Variants in FGF11 observed in about 807,000 individuals in gnomAD.
The protein encoded by FGF11 is fibroblast growth factor 11, also known as fibroblast growth factor homologous factor 3.
In FGF11, 25 loss-of-function variants were observed where a neutral mutation model predicts 25.1. That is an observed-to-expected ratio of 1.00 (90% confidence interval 0.73 to 1.39). The LOEUF (loss-of-function observed/expected upper bound fraction) is 1.39. Among genes scored for constraint, FGF11 ranks in the 40% most tolerant of loss-of-function variants. The probability of loss-of-function intolerance (pLI) is 0.00; values close to 1 mark genes in which losing one functional copy is unlikely to be tolerated. For synonymous variants in FGF11, 130 were observed against 128.9 expected, an observed-to-expected ratio of 1.01 and a Z score of -0.06; for missense variants, 320 against 311.0, an observed-to-expected ratio of 1.03 and a Z score of -0.22.
At position 7,442,706 on chromosome 17, in the gene FGF11, G is replaced by A. The variant is rs267605069; in HGVS notation, c.521G>A (p.Gly174Asp). ...CGTTCTGGCCGGGCCTGGTACCTCG[G>A]CCTGGACAAGGAGGGCCAGGTCATG... ...QRRSGRAWYL[G>D]LDKEGQVMKG... The change falls in exon 4 of 5, where the codon GGC becomes GAC. Residue 174 changes from glycine to aspartate, a missense_variant. Transcript: ENST00000293829. 6.2e-7 allele frequency: 1 copy of A among 1,614,182 alleles called. No individual in the cohort carries two copies. Among genetic ancestry groups the A allele is most frequent in the South Asian group, 1.1e-5 (1 of 91,082 alleles).
intron 1 of FGF11, 101 bp from the exon 2 acceptor site, chr17:7,441,366 TCTTC>T: frequency 1.3e-6 from 2 of 1,491,348 alleles, no homozygotes; most frequent in Non-Finnish European, 1.8e-6. Context: ...CCTGGGACCC[TCTTC>T]CTTCCTTTCA....
At chr17:7,441,961 CT>C (rs1908350116) in intron 3 of FGF11, 82 bp downstream of exon 3, 3 of 1,065,780 alleles carry the variant, frequency 2.8e-6, no homozygotes, top group Non-Finnish European at 4.0e-6. Context: ...GACAACCTTC[CT>C]CAACTACAGA....
chr17:7,441,208 T>C (rs2150833956), intron 1 of FGF11: 1 of 372,914 alleles, frequency 2.7e-6, no homozygotes, highest in East Asian at 6.2e-5. Context: ...GGTTGAGCTG[T>C]AGGGTAGGAA....
chr17:7,440,434 A>G lies in FGF11; in HGVS notation c.193+621A>G, dbSNP rs1401917337. On this transcript the variant is annotated intron_variant, in intron 1 of 4. Coordinates refer to ENST00000293829, the MANE Select transcript of FGF11 (RefSeq NM_004112.4). The surrounding 1 kb of genome is among the most constrained non-coding windows in gnomAD (Gnocchi z 5.4). ...GCACCCCTCCCATAACCCCCGCGCC[A>G]CTCCGAAATCGGGTCCCGTAGGCTC... 6.5e-6 allele frequency: 1 copy of G among 153,376 alleles called. No individual in the cohort carries two copies. 9.5% of individuals were successfully genotyped at this position (153,376 alleles called of 1,614,324 possible).
In FGF11 at chr17:7,443,002, T is replaced by G. The variant is rs183482868; in HGVS notation, c.608-74T>G. The G allele has an allele frequency of 1.4e-4, 178 of 1,295,138 alleles. No homozygotes were observed. In the African/African-American group the frequency reaches 1.9e-3, roughly 14 times the overall value. 80.2% of individuals were successfully genotyped at this position (1,295,138 alleles called of 1,614,324 possible). On this transcript the variant is annotated intron_variant, in intron 4 of 4. Transcript: ENST00000293829. Reference sequence around the variant, plus strand: ...TGAATGTACGGGAAGGGAGCCCTTTTGGAGCACTGGTTCTGCCTGGGTCCC... The same window carrying G: ...TGAATGTACGGGAAGGGAGCCCTTTGGGAGCACTGGTTCTGCCTGGGTCCC...
upstream of FGF11, chr17:7,438,618 G>A: frequency 6.5e-6 from 1 of 152,800 alleles, no homozygotes; most frequent in Non-Finnish European, 1.5e-5. Flanking sequence ...GCTGTGATCC[G>A]CTCTGACTTG....
chr17:7,440,828 C>T lies in FGF11; in HGVS notation c.194-643C>T, dbSNP rs906212289. On this transcript the variant is annotated intron_variant, in intron 1 of 4. Transcript: ENST00000293829. The surrounding 1 kb of genome is among the most constrained non-coding windows in gnomAD (Gnocchi z 5.4). ...CCCCCATATCCTTGGTAAGGTCCCC[C>T]TTACCCCAGGCGAGTTACCTGGCCG... 4.0e-6 allele frequency: 4 copies of T among 988,758 alleles called. No homozygotes were observed. In the South Asian group the frequency reaches 1.4e-4, roughly 34 times the overall value. 61.2% of individuals were successfully genotyped at this position (988,758 alleles called of 1,614,324 possible).
chr17:7,441,813 C>T lies in FGF11; in HGVS notation c.342C>T (p.Val114=), dbSNP rs889458447. Residue 114 remains valine, a synonymous_variant, in exon 3 of 5, where the codon GTC becomes GTT. Coordinates refer to ENST00000293829, the MANE Select transcript of FGF11 (RefSeq NM_004112.4). ...FNLIPVGLRV[V]TIQSAKLGHY... ...TGATCCCTGTGGGCCTCCGTGTGGT[C>T]ACCATCCAGAGCGCCAAGCTGGGTC... 1.9e-6 allele frequency: 3 copies of T among 1,612,474 alleles called. No individual in the cohort carries two copies. Among genetic ancestry groups the T allele is most frequent in the Middle Eastern group, 1.7e-4 (1 of 6,054 alleles).
intron 1 of FGF11, chr17:7,441,110 G>A: frequency 3.2e-6 from 1 of 311,978 alleles, no homozygotes; most frequent in Non-Finnish European, 5.4e-6. Context: ...CAAACACGCT[G>A]CCCCTTCAGT....
intron 3 of FGF11, 35 bp from the exon 4 acceptor site, chr17:7,442,559 T>A (rs1358515459): frequency 6.2e-7 from 1 of 1,613,492 alleles, no homozygotes. Flanking sequence ...TATCTCTCTG[T>A]CTTTGTGCGC....
At position 7,439,803 on chromosome 17, in the gene FGF11, C is replaced by A. The variant is rs1403183198; in HGVS notation, c.183C>A (p.Asp61Glu). The A allele has an allele frequency of 2.8e-6, 4 of 1,442,148 alleles. No homozygotes were observed. Among genetic ancestry groups the A allele is most frequent in the Admixed American group, 3.2e-5 (1 of 31,114 alleles). 89.3% of individuals were successfully genotyped at this position (1,442,148 alleles called of 1,614,324 possible). Residue 61 changes from aspartate to glutamate, a missense_variant, in exon 1 of 5, where the codon GAC (aspartate) becomes GAA (glutamate). Asp to Glu is a conservative substitution (Grantham distance 45). Transcript: ENST00000293829. ...RLCGGRPARP[D>E]RGPEPQLKGI... ...GCGGGGGGCGGCCCGCGCGGCCGGA[C>A]CGCGGCCCGGGTGAGTGCGGCTGGG...
chr17:7,442,822 A>C (rs777421369), intron 4 of FGF11, 30 bp downstream of exon 4: 15 of 1,606,574 alleles, frequency 9.3e-6, no homozygotes, highest in Non-Finnish European at 1.3e-5. Flanking sequence ...AATGTGGGCC[A>C]CAGGAGAGGG....
intron 4 of FGF11, 67 bp from the exon 5 acceptor site, chr17:7,443,009 C>A: frequency 7.5e-7 from 1 of 1,332,468 alleles, no homozygotes; most frequent in Non-Finnish European, 1.1e-6. Flanking sequence ...TTTTGGAGCA[C>A]TGGTTCTGCC....
At position 7,444,544 on chromosome 17, in the gene FGF11, G is replaced by A. The variant is rs1908500874; in HGVS notation, c.*1398G>A. ...ACTCCAGACCTCATACGCCCCAACA[G>A]CTTCTAATTGGATAGAACTTGCTTT... On this transcript the variant is annotated 3_prime_UTR_variant, in exon 5 of 5. Transcript: ENST00000293829. The A allele has an allele frequency of 6.2e-6, 1 of 160,816 alleles. No individual in the cohort carries two copies. Among genetic ancestry groups the A allele is most frequent in the African/African-American group, 2.4e-5 (1 of 41,426 alleles). The allele number at this position is 160,816 out of a possible 1,614,324, so 10.0% of individuals were successfully genotyped here.
At position 7,442,586 on chromosome 17, in the gene FGF11, C is replaced by T. The variant is rs369879968; in HGVS notation, c.409-8C>T. 94 of 1,614,076 alleles carry T rather than the reference C, an allele frequency of 5.8e-5. No individual in the cohort carries two copies. The African/African-American group carries it at 1.1e-3, about 19-fold the overall frequency. On this transcript the variant is annotated splice_region_variant and splice_polypyrimidine_tract_variant and intron_variant, in intron 3 of 4. Transcript: ENST00000293829. ...TTTGTGCGCCTTTCTGGGTCTTTGT[C>T]TCCTTAGCCGCATTTCACAGCTGAG...
In FGF11 at chr17:7,440,973, GC is replaced by G; in HGVS notation, c.194-497del. 1 of 1,005,368 alleles carries G rather than the reference GC, an allele frequency of 9.9e-7. No homozygotes were observed. Among genetic ancestry groups the G allele is most frequent in the Non-Finnish European group, 1.2e-6 (1 of 840,220 alleles). 62.3% of individuals were successfully genotyped at this position (1,005,368 alleles called of 1,614,324 possible). A position where few individuals can be genotyped will look rare whatever the true frequency, so the allele number is the denominator to read the frequency against. ...CAGGCCGGCGCTGGGCCAAGGCAAG[GC>G]TCTCGCCAAGCTAGCGGCAGCCGCA... On this transcript the variant is annotated intron_variant, in intron 1 of 4. Transcript: ENST00000293829. The surrounding 1 kb of genome is among the most constrained non-coding windows in gnomAD (Gnocchi z 5.4).
chr17:7,442,876 A>G (rs1041950907), intron 4 of FGF11, 84 bp downstream of exon 4: 4 of 1,433,212 alleles, frequency 2.8e-6, no homozygotes, highest in Non-Finnish European at 3.9e-6. Flanking sequence ...AGCTCAGGCT[A>G]CAAGTGATAA....
At chr17:7,441,963 C>A in intron 3 of FGF11, 84 bp downstream of exon 3, 1 of 1,036,112 alleles carries the variant, frequency 9.7e-7, no homozygotes, top group Non-Finnish European at 1.4e-6. Flanking sequence ...CAACCTTCCT[C>A]AACTACAGAC....
Position 7,441,870 on chromosome 17 carries a change from C to T in FGF11, c.399C>T (p.Leu133=), listed in dbSNP as rs371824768. The change falls in exon 3 of 5, where the codon CTC becomes CTT. Residue 133 remains leucine (L), a synonymous_variant. Transcript: ENST00000293829. ...HYMAMNAEGL[L]YSSPHFTAEC... The stretch of plus-strand genomic sequence containing the variant: ...TGGCCATGAATGCTGAGGGACTGCT[C>T]TACAGTTCGGTGAGACAATGAGGCT... 3.1e-6 allele frequency: 5 copies of T among 1,600,740 alleles called. No individual in the cohort carries two copies. The highest frequency in any genetic ancestry group is 1.1e-5 in the South Asian group (1 of 88,950).
Sources: gnomAD v4.1 joint callset for allele counts on GRCh38, gnomAD v4.1.1 for gene constraint, Gnocchi (gnomAD v3.1) non-coding constraint, MANE v1.5 for transcripts, NCBI Gene and HGNC (gene_info 2026-07-23, HGNC 2026-07-21) for gene names.